Variants in RNF31 observed in about 807,000 individuals in gnomAD.
RNF31 encodes E3 ubiquitin-protein ligase RNF31.
A neutral mutation model predicts 133.6 loss-of-function variants in RNF31; 38 were observed. The observed-to-expected ratio is 0.28, with a 90% confidence interval of 0.22 to 0.37. The LOEUF (loss-of-function observed/expected upper bound fraction) is 0.37, where lower values mean the gene tolerates loss of function less well. Among genes scored for constraint, RNF31 ranks in the 10% least tolerant of loss-of-function variants. RNF31 has a pLI of 1.00. For synonymous variants in RNF31, 582 were observed against 552.3 expected, an observed-to-expected ratio of 1.05 and a Z score of -0.75; for missense variants, 1,118 against 1,394.1, an observed-to-expected ratio of 0.80 and a Z score of 3.15.
intron 1 of RNF31, 31 bp from the exon 2 acceptor site, chr14:24,147,945 G>A (rs1453547001): frequency 5.0e-6 from 8 of 1,613,816 alleles, no homozygotes; most frequent in Non-Finnish European, 6.8e-6. Context: ...CCCAGGCCAC[G>A]CTCACACCTC....
chr14:24,147,794 G>A lies in RNF31; in HGVS notation c.96G>A (p.Glu32=), dbSNP rs1448699707. 5 of 1,592,646 alleles carry A rather than the reference G, an allele frequency of 3.1e-6. No homozygotes were observed. The highest frequency in any genetic ancestry group is 4.3e-6 in the Non-Finnish European group (5 of 1,171,912). The part of the protein sequence containing the change: ...RRDSGQAFSL[E]QLRPLLASSL... ...ATTCCGGGCAGGCGTTTTCCCTGGA[G>A]CAGCTCCGGCCGCTACTAGCCAGCT... Residue 32 remains glutamate (E), a synonymous_variant, in exon 1 of 21, where the codon GAG becomes GAA. Transcript: ENST00000324103.
rs990074302 is a variant in RNF31 at position 24,157,725 on chromosome 14, G to A, written c.2727+87G>A. The stretch of plus-strand genomic sequence containing the variant: ...AGAGGCTATTGAGGAGTGGCCCCGG[G>A]GAAGAGAAGAGGTCAACGGGATGTA... On this transcript the variant is annotated intron_variant, in intron 16 of 20. Coordinates refer to ENST00000324103, the MANE Select transcript of RNF31 (RefSeq NM_017999.5). 62 of 1,262,252 alleles carry A rather than the reference G, an allele frequency of 4.9e-5. No individual in the cohort carries two copies. The African/African-American group carries it at 8.5e-4, about 17-fold the overall frequency. 78.2% of individuals were successfully genotyped at this position (1,262,252 alleles called of 1,614,324 possible).
Position 24,147,996 on chromosome 14 carries a change from C to T in RNF31, c.213C>T (p.Thr71=). Residue 71 remains threonine (T), a synonymous_variant, in exon 2 of 21, where the codon ACC becomes ACT. Transcript: ENST00000324103. ...CCCAGCCCCGAAACTACCTCAACACCCTGTCCACGGCTCTGAACATCCTGG... is the reference window on the plus strand; with the variant it reads ...CCCAGCCCCGAAACTACCTCAACACTCTGTCCACGGCTCTGAACATCCTGG... ...AHGEPRNYLN[T]LSTALNILEK... is the part of the protein sequence containing the mutation. 4 of 1,613,954 alleles carry T rather than the reference C, an allele frequency of 2.5e-6. No homozygotes were observed. The highest frequency in any genetic ancestry group is 3.4e-6 in the Non-Finnish European group (4 of 1,180,030).
At position 24,151,501 on chromosome 14, in the gene RNF31, C is replaced by G. The variant is rs2038265863; in HGVS notation, c.1754C>G (p.Ser585Cys). 1 of 1,614,132 alleles carries G rather than the reference C, an allele frequency of 6.2e-7. No individual in the cohort carries two copies. Among genetic ancestry groups the G allele is most frequent in the Non-Finnish European group, 8.5e-7 (1 of 1,180,048 alleles). ...ATCTTGCAGGTGCAGGAGCTCCAGT[C>G]TCTAGGCTTTGGGCCTGAGGAGGGG... Reference protein sequence around the residue: ...TRRRKVQELQSLGFGPEEGSL... With the variant: ...TRRRKVQELQCLGFGPEEGSL... The change falls in exon 10 of 21, where the codon TCT becomes TGT. Residue 585 changes from serine to cysteine, a missense_variant. Coordinates refer to ENST00000324103, the MANE Select transcript of RNF31 (RefSeq NM_017999.5). This position sits in a 1 kb window ranked among gnomAD's most constrained non-coding sequence, Gnocchi z 5.3.
At position 24,155,429 on chromosome 14, in the gene RNF31, G is replaced by C. The variant is rs985027385; in HGVS notation, c.2320G>C (p.Glu774Gln). ...TLDIQLRESL[E>Q]PDAYALFHKK... The stretch of plus-strand genomic sequence containing the variant: ...CTGTCCCCAGCTTCGCGAGAGCCTA[G>C]AGCCAGATGCCTATGCGTTGTTCCA... Residue 774 changes from glutamate to glutamine, a missense_variant, in exon 13 of 21, where the codon GAG becomes CAG. By Grantham distance (29) the Glu-to-Gln change is conservative. This residue lies in a region of RNF31 where 201 missense variants were observed against 371.7 expected (regional missense o/e 0.54). Transcript: ENST00000324103. This position sits in a 1 kb window ranked among gnomAD's most constrained non-coding sequence, Gnocchi z 4.9. 6.2e-7 allele frequency: 1 copy of C among 1,614,120 alleles called. No individual in the cohort carries two copies. The highest frequency in any genetic ancestry group is 8.5e-7 in the Non-Finnish European group (1 of 1,180,014).
chr14:24,147,312 A>C, upstream of RNF31: 6 of 187,214 alleles, frequency 3.2e-5, no homozygotes, highest in Non-Finnish European at 4.4e-5. Flanking sequence ...AAGGCGGGGA[A>C]GAGCGCTTGA....
chr14:24,159,757 C>T (rs1189561739), intron 18 of RNF31, 107 bp from the exon 19 acceptor site: 8 of 842,342 alleles, frequency 9.5e-6, no homozygotes, highest in South Asian at 1.5e-5. Flanking sequence ...TTGCTGTGCT[C>T]GGTCCCTTCC....
chr14:24,154,497 C>T (rs992467318), intron 11 of RNF31, among the ~76,000 whole-genome samples: 7 of 152,274 alleles, frequency 4.6e-5, no homozygotes, highest in East Asian at 3.9e-4. Flanking sequence ...AGGCTGGTCT[C>T]GAACTCCTAG....
At position 24,151,171 on chromosome 14, in the gene RNF31, C is replaced by T. The variant is rs768564270; in HGVS notation, c.1529C>T (p.Ser510Leu). 184 of 1,614,006 alleles carry T rather than the reference C, an allele frequency of 1.1e-4. No individual in the cohort carries two copies. The highest frequency in any genetic ancestry group is 1.4e-4 in the Non-Finnish European group (167 of 1,180,042). Residue 510 changes from serine to leucine, a missense_variant, in exon 9 of 21, where the codon TCG (serine) becomes TTG (leucine). Coordinates refer to ENST00000324103, the MANE Select transcript of RNF31 (RefSeq NM_017999.5). This position sits in a 1 kb window ranked among gnomAD's most constrained non-coding sequence, Gnocchi z 5.3. ...GGTGCCTGTCCAGAGGAGATCTTCT[C>T]GGCTCTGCAGTACTCGGGCACTGAG... ...AAGACPEEIF[S>L]ALQYSGTEVP...
intron 11 of RNF31, among the ~76,000 whole-genome samples, chr14:24,154,520 C>A (rs568390111): frequency 1.3e-5 from 2 of 152,308 alleles, no homozygotes; most frequent in East Asian, 3.9e-4. Flanking sequence ...TCAAGTGATG[C>A]GCCCGCCTTG....
In RNF31 at chr14:24,151,181, G is replaced by C; in HGVS notation, c.1539G>C (p.Gln513His). 1 of 1,614,182 alleles carries C rather than the reference G, an allele frequency of 6.2e-7. No individual in the cohort carries two copies. Among genetic ancestry groups the C allele is most frequent in the Non-Finnish European group, 8.5e-7 (1 of 1,180,050 alleles). ...ACPEEIFSAL[Q>H]YSGTEVPLQW... ...CAGAGGAGATCTTCTCGGCTCTGCAGTACTCGGGCACTGAGGTGCCTCTGC... is the reference window on the plus strand; with the variant it reads ...CAGAGGAGATCTTCTCGGCTCTGCACTACTCGGGCACTGAGGTGCCTCTGC... The change falls in exon 9 of 21, where the codon CAG becomes CAC. Residue 513 changes from glutamine (Q) to histidine (H), a missense_variant. Physicochemically the swap from Gln to His is conservative, Grantham distance 24. Coordinates refer to ENST00000324103, the MANE Select transcript of RNF31 (RefSeq NM_017999.5). The surrounding 1 kb of genome is among the most constrained non-coding windows in gnomAD (Gnocchi z 5.3).
In RNF31 at chr14:24,160,116, G is replaced by A; in HGVS notation, c.2997-123G>A. 7.5e-7 allele frequency: 1 copy of A among 1,327,032 alleles called. No homozygotes were observed. Among genetic ancestry groups the A allele is most frequent in the Non-Finnish European group, 1.0e-6 (1 of 956,998 alleles). The allele number at this position is 1,327,032 out of a possible 1,614,324, so 82.2% of individuals were successfully genotyped here. A position where few individuals can be genotyped will look rare whatever the true frequency, so the allele number is the denominator to read the frequency against. ...CAAGGGCATGGGTAGATAGTAGCAG[G>A]CAGTGTGGGCACAGGTGGGTTGTTA... On this transcript the variant is annotated intron_variant, in intron 19 of 20. Transcript: ENST00000324103. This position sits in a 1 kb window ranked among gnomAD's most constrained non-coding sequence, Gnocchi z 4.0.
chr14:24,152,638 C>T (rs969582260), intron 11 of RNF31, among the ~76,000 whole-genome samples: 2 of 152,102 alleles, frequency 1.3e-5, no homozygotes, highest in Admixed American at 6.6e-5. Flanking sequence ...AGGCTGGTCT[C>T]GAGCTCTTGA....
At chr14:24,156,592 A>G (rs2038343717) in intron 14 of RNF31, among the ~76,000 whole-genome samples, 1 of 152,112 alleles carries the variant, frequency 6.6e-6, no homozygotes, top group Non-Finnish European at 1.5e-5. Flanking sequence ...CCAGCCTCCC[A>G]ATATGGTGAA....
chr14:24,152,691 C>T (rs2038283669), intron 11 of RNF31, among the ~76,000 whole-genome samples: 1 of 152,204 alleles, frequency 6.6e-6, no homozygotes. Context: ...CAAAATAAAA[C>T]ACATACAGAG....
intron 5 of RNF31, 143 bp downstream of exon 5, chr14:24,149,019 A>G: frequency 1.2e-6 from 1 of 811,160 alleles, no homozygotes; most frequent in Non-Finnish European, 2.1e-6. Context: ...GCTGGAGTGC[A>G]ATGGTGCGAT....
chr14:24,155,477 C>T lies in RNF31; in HGVS notation c.2368C>T (p.Leu790=), dbSNP rs773003670. 2.5e-6 allele frequency: 4 copies of T among 1,614,184 alleles called. No homozygotes were observed. In the South Asian group the frequency reaches 3.3e-5, roughly 13 times the overall value. The change falls in exon 13 of 21, where the codon CTG becomes TTG. Residue 790 remains leucine (L), a synonymous_variant. Coordinates refer to ENST00000324103, the MANE Select transcript of RNF31 (RefSeq NM_017999.5). This position sits in a 1 kb window ranked among gnomAD's most constrained non-coding sequence, Gnocchi z 4.9. ...LFHKKLTEGV[L]MRDPKFLWCA... is the part of the protein sequence containing the mutation. ...CCATAAGAAGCTGACCGAGGGTGTG[C>T]TGATGCGGGACCCCAAGTTCTTGTG...
chr14:24,151,980 G>T lies in RNF31; in HGVS notation c.2118G>T (p.Leu706=). The change falls in exon 11 of 21, where the codon CTG becomes CTT. Residue 706 remains leucine (L), a synonymous_variant. Coordinates refer to ENST00000324103, the MANE Select transcript of RNF31 (RefSeq NM_017999.5). The surrounding 1 kb of genome is among the most constrained non-coding windows in gnomAD (Gnocchi z 5.3). ...AQECAVCGWA[L]PHNRMQALTS... Reference sequence around the variant, plus strand: ...AGTGTGCCGTGTGTGGCTGGGCCCTGCCCCACAACCGGGTAAGTCCCTCCC... The same window carrying T: ...AGTGTGCCGTGTGTGGCTGGGCCCTTCCCCACAACCGGGTAAGTCCCTCCC... 2 of 1,613,934 alleles carry T rather than the reference G, an allele frequency of 1.2e-6. No individual in the cohort carries two copies. The highest frequency in any genetic ancestry group is 8.5e-7 in the Non-Finnish European group (1 of 1,179,962).
chr14:24,157,732 A>G, intron 16 of RNF31, 94 bp downstream of exon 16: 1 of 1,212,460 alleles, frequency 8.2e-7, no homozygotes, highest in South Asian at 1.2e-5. Flanking sequence ...CGGGGAAGAG[A>G]AGAGGTCAAC....
Sources: gnomAD v4.1 joint callset for allele counts (sites outside exome capture counted in the v4.1 genomes callset) on GRCh38, gnomAD v4.1.1 for gene constraint, gnomAD v4.1.1 regional missense constraint, Gnocchi (gnomAD v3.1) non-coding constraint, MANE v1.5 for transcripts, NCBI Gene and HGNC (gene_info 2026-07-23, HGNC 2026-07-21) for gene names.